The following LINGO2 variants were observed in gnomAD, a reference collection of about 807,000 sequenced individuals.
LINGO2 encodes the protein leucine-rich repeat and immunoglobulin-like domain-containing nogo receptor-interacting protein 2.
LINGO2 carries 14 observed loss-of-function variants against 30.6 expected under a neutral mutation model. The ratio of observed to expected loss-of-function variants is 0.46; its 90% CI spans 0.30 to 0.72. LINGO2 has a LOEUF of 0.72. Among genes scored for constraint, LINGO2 ranks in the 30% least tolerant of loss-of-function variants. The pLI, the probability that LINGO2 is intolerant of heterozygous loss-of-function variation, is 0.07. For synonymous variants in LINGO2, 317 were observed against 288.5 expected (o/e 1.10, Z -1.00); for missense variants, 729 against 751.7 (o/e 0.97, Z 0.35).
the LINGO2 span, among the ~76,000 whole-genome samples, chr9:29,050,533 G>A: frequency 6.6e-6 from 1 of 152,150 alleles, no homozygotes; most frequent in Non-Finnish European, 1.5e-5. Flanking sequence ...ACCTATAGAT[G>A]GTGAGTGGGA....
At chr9:28,454,614 T>G (rs1824775874) in intron 2 of LINGO2, among the ~76,000 whole-genome samples, 1 of 151,964 alleles carries the variant, frequency 6.6e-6, no homozygotes, top group Non-Finnish European at 1.5e-5. Flanking sequence ...TACATATATA[T>G]TCTGTACTGT....
the LINGO2 span, among the ~76,000 whole-genome samples, chr9:28,791,892 C>T: frequency 6.6e-6 from 1 of 151,428 alleles, no homozygotes. Context: ...GAATGAGTGA[C>T]ACTGGATATT....
chr9:28,291,041 T>C (rs574368239), intron 4 of LINGO2, among the ~76,000 whole-genome samples: 79 of 152,334 alleles, frequency 5.2e-4, no homozygotes, highest in African/African-American at 1.8e-3. Flanking sequence ...CCACTGGGAT[T>C]AGGCTCCAGT....
the LINGO2 span, among the ~76,000 whole-genome samples, chr9:28,809,737 C>T: frequency 7.4e-4 from 96 of 129,338 alleles, no homozygotes; most frequent in African/African-American, 2.6e-3. Flanking sequence ...CAGGGCCAGA[C>T]TCTGTCTCAA....
At chr9:28,803,502 T>G in the LINGO2 span, among the ~76,000 whole-genome samples, 1 of 151,770 alleles carries the variant, frequency 6.6e-6, no homozygotes, top group East Asian at 1.9e-4. Context: ...TTAAATATGA[T>G]ATAAATTTTT....
At chr9:28,834,844 C>G in the LINGO2 span, among the ~76,000 whole-genome samples, 6 of 152,228 alleles carry the variant, frequency 3.9e-5, no homozygotes, top group African/African-American at 1.4e-4. Context: ...AGGTGAATCA[C>G]TTGACTTCAG....
chr9:28,100,268 C>T (rs1826371111), intron 4 of LINGO2, among the ~76,000 whole-genome samples: 1 of 152,138 alleles, frequency 6.6e-6, no homozygotes. Context: ...GTGCACCACA[C>T]ATTTCAGAGC....
At chr9:29,213,278 C>G in the LINGO2 span, among the ~76,000 whole-genome samples, 1 of 152,160 alleles carries the variant, frequency 6.6e-6, no homozygotes, top group Non-Finnish European at 1.5e-5. Flanking sequence ...CTTGCTTTCT[C>G]TCGATAATGC....
intron 3 of LINGO2, among the ~76,000 whole-genome samples, chr9:28,359,494 CA>C (rs925499409): frequency 3.9e-5 from 6 of 152,058 alleles, no homozygotes; most frequent in Admixed American, 3.3e-4. Context: ...CCTAAAATTA[CA>C]AAAACACATG....
the LINGO2 span, among the ~76,000 whole-genome samples, chr9:29,021,120 A>G: frequency 6.6e-6 from 1 of 152,152 alleles, no homozygotes; most frequent in African/African-American, 2.4e-5. Context: ...TCATGTACAG[A>G]TATTTGTTAT....
At chr9:28,699,456 G>A in the LINGO2 span, among the ~76,000 whole-genome samples, 9 of 152,090 alleles carry the variant, frequency 5.9e-5, no homozygotes, top group Non-Finnish European at 8.8e-5. Context: ...GAGGATGTAC[G>A]TCATCTCAGG....
chr9:28,785,463 A>G, the LINGO2 span, among the ~76,000 whole-genome samples: 1 of 152,160 alleles, frequency 6.6e-6, no homozygotes. Context: ...ATATCACACT[A>G]TACAGAAATC....
At chr9:28,974,172 G>T in the LINGO2 span, among the ~76,000 whole-genome samples, 1 of 152,156 alleles carries the variant, frequency 6.6e-6, no homozygotes, top group Non-Finnish European at 1.5e-5. Flanking sequence ...ACTTTGGGAG[G>T]CCAGGCAGGC....
chr9:28,574,296 A>T (rs1408053579), intron 1 of LINGO2, among the ~76,000 whole-genome samples: 1 of 152,218 alleles, frequency 6.6e-6, no homozygotes, highest in Non-Finnish European at 1.5e-5. Context: ...ACACCTTTGG[A>T]TCTGAAAACA....
the LINGO2 span, among the ~76,000 whole-genome samples, chr9:28,699,993 GC>G: frequency 2.0e-5 from 3 of 151,944 alleles, no homozygotes; most frequent in Non-Finnish European, 4.4e-5. Flanking sequence ...TTCTGATTTT[GC>G]CCTGGCCCTG....
chr9:27,960,634 T>TA (rs1554645563), intron 5 of LINGO2, among the ~76,000 whole-genome samples: 2 of 145,472 alleles, frequency 1.4e-5, no homozygotes, highest in Non-Finnish European at 3.0e-5. Flanking sequence ...TTTTTTTTTT[T>TA]ACTTGTACAT....
intron 4 of LINGO2, among the ~76,000 whole-genome samples, chr9:28,066,860 G>C (rs1305088595): frequency 6.6e-6 from 1 of 151,808 alleles, no homozygotes; most frequent in East Asian, 1.9e-4. Flanking sequence ...GTCTCTGCTT[G>C]CTATTCTTAC....
rs557858322 is a variant in LINGO2, at chr9:27,949,421, C to T, written c.1251G>A (p.Leu417=). The change falls in exon 6 of 6, where the codon TTG becomes TTA. Residue 417 remains leucine (L), a synonymous_variant. Coordinates refer to ENST00000379992, the Ensembl canonical transcript of LINGO2. ...GCCCTTCATCTACTAGCAGATGCTGCAACTTCTTTTCACGGATTTTGGGTT... is the reference window on the plus strand; with the variant it reads ...GCCCTTCATCTACTAGCAGATGCTGTAACTTCTTTTCACGGATTTTGGGTT... The T allele has an allele frequency of 8.7e-6, 14 of 1,614,106 alleles. No homozygotes were observed. The East Asian group carries it at 2.5e-4, about 28-fold the overall frequency.
chr9:28,614,737 T>C (rs923429540), intron 1 of LINGO2, among the ~76,000 whole-genome samples: 7 of 152,116 alleles, frequency 4.6e-5, no homozygotes, highest in East Asian at 1.9e-4. Context: ...ATATGCAGGA[T>C]GTATTAAGGT....
Sources: allele counts gnomAD v4.1 joint callset (sites outside exome capture counted in the v4.1 genomes callset), GRCh38; gene constraint gnomAD v4.1.1; transcripts MANE v1.5; gene names NCBI Gene and HGNC (gene_info 2026-07-23, HGNC 2026-07-21).